GCNT4: variants seen among roughly 807,000 people sequenced by gnomAD.
GCNT4 encodes glucosaminyl (N-acetyl) transferase 4.
GCNT4 carries 17 observed loss-of-function variants against 31.3 expected under a neutral mutation model. The observed-to-expected ratio is 0.54, with a 90% CI of 0.37 to 0.81. The LOEUF (loss-of-function observed/expected upper bound fraction) is 0.81. Ranked by LOEUF, GCNT4 falls within the 40% of genes least tolerant of loss-of-function variation. The pLI, the probability that GCNT4 is intolerant of heterozygous loss-of-function variation, is 0.00. For missense variants in GCNT4, 503 were observed against 525.5 expected (o/e 0.96, Z 0.42); for synonymous variants, 158 against 190.6 (o/e 0.83, Z 1.41).
intron 3 of GCNT4, among the ~76,000 whole-genome samples, chr5:75,044,977 A>G (rs969445491): frequency 6.6e-6 from 1 of 152,178 alleles, no homozygotes; most frequent in Non-Finnish European, 1.5e-5. Context: ...ACAGTTTTGA[A>G]TATTTTTTAG....
At chr5:75,024,109 C>G (rs1355022291), downstream of GCNT4, among the ~76,000 whole-genome samples, 1 of 152,192 alleles carries the variant, frequency 6.6e-6, no homozygotes, top group African/African-American at 2.4e-5. Context: ...CCACAGTTTC[C>G]TCATAATCAG....
downstream of GCNT4, among the ~76,000 whole-genome samples, chr5:75,023,213 T>C (rs1269589300): frequency 6.6e-6 from 1 of 152,224 alleles, no homozygotes; most frequent in Non-Finnish European, 1.5e-5. Flanking sequence ...CCATCTTTTA[T>C]CTGCTAGAGG....
rs200517667 is a variant in GCNT4, at chr5:75,052,244, C to CAAAAAAA, written c.-201-24_-201-18dup. The CAAAAAAA allele has an allele frequency of 1.1e-4, 10 of 95,040 alleles. No homozygotes were observed. The highest frequency in any genetic ancestry group is 3.4e-4 in the South Asian group (1 of 2,906). The allele number at this position is 95,040 out of a possible 1,614,324, so 5.9% of individuals were successfully genotyped here. A position where few individuals can be genotyped will look rare whatever the true frequency, so the allele number is the denominator to read the frequency against. ...TTTGTTGTTCTTCCATTTTTAAAGA[C>CAAAAAAA]AAAAAAAAAAAAAAAAAGAAAAAGA... On this transcript the variant is annotated splice_polypyrimidine_tract_variant and intron_variant, in intron 1 of 3. Transcript: ENST00000652361.
chr5:75,044,903 G>A (rs1743401223), intron 3 of GCNT4, among the ~76,000 whole-genome samples: 1 of 152,104 alleles, frequency 6.6e-6, no homozygotes, highest in Admixed American at 6.6e-5. Flanking sequence ...TGGGGAGAGG[G>A]CAGAATGAAA....
rs951369207 is a variant in GCNT4, at chr5:75,028,358, G to A, written c.*318C>T. 2.3e-5 allele frequency: 6 copies of A among 264,930 alleles called. No individual in the cohort carries two copies. The highest frequency in any genetic ancestry group is 1.4e-4 in the African/African-American group (6 of 44,300). 16.4% of individuals were successfully genotyped at this position (264,930 alleles called of 1,614,324 possible). On this transcript the variant is annotated 3_prime_UTR_variant, in exon 4 of 4. Coordinates refer to ENST00000652361, the MANE Select transcript of GCNT4 (RefSeq NM_001366737.1). The stretch of plus-strand genomic sequence containing the variant: ...AACTTAAAGATACCGAGGTTGCTAT[G>A]ATGAGGATAAGCCGCAGTCTCTAAA...
intron 3 of GCNT4, among the ~76,000 whole-genome samples, chr5:75,047,427 T>C (rs908304754): frequency 1.3e-5 from 2 of 152,176 alleles, no homozygotes; most frequent in South Asian, 2.1e-4. Context: ...TTTTGGAGCA[T>C]CTTGGAGGAG....
At chr5:75,017,699 C>T in the GCNT4 span, among the ~76,000 whole-genome samples, 78 of 152,226 alleles carry the variant, frequency 5.1e-4, no homozygotes, top group African/African-American at 1.8e-3. Flanking sequence ...AAAGACCCTC[C>T]GGAGCCAGGA....
At chr5:75,042,377 T>C (rs1743340589) in intron 3 of GCNT4, among the ~76,000 whole-genome samples, 1 of 152,230 alleles carries the variant, frequency 6.6e-6, no homozygotes, top group African/African-American at 2.4e-5. Context: ...TGGTATGCTT[T>C]TTTTTCCCCC....
downstream of GCNT4, among the ~76,000 whole-genome samples, chr5:75,024,820 G>A (rs1197790377): frequency 4.6e-5 from 7 of 151,714 alleles, no homozygotes; most frequent in East Asian, 5.8e-4. Flanking sequence ...GCATGGTGGC[G>A]GGCACCTGTA....
intron 3 of GCNT4, among the ~76,000 whole-genome samples, chr5:75,045,775 AACTCT>A (rs546623712): frequency 2.3e-3 from 348 of 152,352 alleles, no homozygotes; most frequent in Admixed American, 3.5e-3. Flanking sequence ...TACAACTAGA[AACTCT>A]ACTGCCTGGA....
At chr5:75,040,641 T>C (rs55910647) in intron 3 of GCNT4, among the ~76,000 whole-genome samples, 9,099 of 152,236 alleles carry the variant, frequency 0.06, 890 homozygotes, top group African/African-American at 0.2. Flanking sequence ...TATGTGAAAG[T>C]CATGGGGAAA....
intron 3 of GCNT4, chr5:75,030,565 G>A (rs1743039353): frequency 1.2e-5 from 2 of 168,204 alleles, no homozygotes; most frequent in African/African-American, 4.8e-5. Context: ...ACACCCAAAG[G>A]AGCTATGCTA....
rs933455589 is a variant in GCNT4, at chr5:75,026,462, G to A, written c.*2214C>T. ...CTCAGATCTGGATTTGGTTACAGAA[G>A]TTGCCCCTGTGACTGGGGACTCTCT... On this transcript the variant is annotated 3_prime_UTR_variant, in exon 4 of 4. Coordinates refer to ENST00000652361, the MANE Select transcript of GCNT4 (RefSeq NM_001366737.1). 1 of 152,064 alleles carries A rather than the reference G, an allele frequency of 6.6e-6. No individual in the cohort carries two copies. The highest frequency in any genetic ancestry group is 1.5e-5 in the Non-Finnish European group (1 of 68,016). 9.4% of individuals were successfully genotyped at this position (152,064 alleles called of 1,614,324 possible).
chr5:75,053,285 T>G (rs1743630050), upstream of GCNT4, among the ~76,000 whole-genome samples: 1 of 151,836 alleles, frequency 6.6e-6, no homozygotes, highest in Non-Finnish European at 1.5e-5. Context: ...CCGGGGCTCC[T>G]GCAGGCGCGG....
downstream of GCNT4, chr5:75,023,801 G>C (rs916916922): frequency 1.3e-5 from 2 of 152,168 alleles, no homozygotes; most frequent in Non-Finnish European, 2.9e-5. Context: ...AACAAAACAA[G>C]AAACAAGAAG....
rs1365905626 is a variant in GCNT4 at position 75,032,922 on chromosome 5, T to TGTGTGA, written c.-1-2885_-1-2884insTCACAC. 8.6e-4 allele frequency among the ~76,000 whole-genome samples: 125 copies of TGTGTGA among 145,892 alleles called. 1 individual carries two copies. The highest frequency in any genetic ancestry group is 1.6e-3 in the Admixed American group (24 of 14,602). ...GTGTGTGTGTGTGTGTGTGTGTGTGTGATTAATTCATGGTTATTAGGTATA... is the reference window on the plus strand; with the variant it reads ...GTGTGTGTGTGTGTGTGTGTGTGTGTGTGTGAGATTAATTCATGGTTATTAGGTATA... On this transcript the variant is annotated intron_variant, in intron 3 of 3. Coordinates refer to ENST00000652361, the MANE Select transcript of GCNT4 (RefSeq NM_001366737.1).
At chr5:75,046,585 G>C (rs538667210) in intron 3 of GCNT4, among the ~76,000 whole-genome samples, 6 of 152,252 alleles carry the variant, frequency 3.9e-5, no homozygotes, top group African/African-American at 1.4e-4. Flanking sequence ...CCCAAGAGCA[G>C]ACAGGCTGAC....
chr5:75,021,312 A>T (rs1290784074), downstream of GCNT4, among the ~76,000 whole-genome samples: 1 of 152,188 alleles, frequency 6.6e-6, no homozygotes, highest in Non-Finnish European at 1.5e-5. Flanking sequence ...AAGAAAAAGG[A>T]ACAAGAGGTT....
chr5:75,019,593 G>A, the GCNT4 span, among the ~76,000 whole-genome samples: 21 of 152,276 alleles, frequency 1.4e-4, no homozygotes, highest in Admixed American at 2.6e-4. Flanking sequence ...TGGCCTCCCT[G>A]GGGCCCTTTC....
Sources: gnomAD v4.1 joint callset for allele counts (sites outside exome capture counted in the v4.1 genomes callset) on GRCh38, gnomAD v4.1.1 for gene constraint, MANE v1.5 for transcripts, NCBI Gene and HGNC (gene_info 2026-07-23, HGNC 2026-07-21) for gene names.